The following EIF3H variants were observed in gnomAD, a reference collection of about 807,000 sequenced individuals.
The protein encoded by EIF3H is eIF-3-gamma.
In EIF3H, 26 loss-of-function variants were observed where a neutral mutation model predicts 44.2. The ratio of observed to expected loss-of-function variants is 0.59; its 90% CI spans 0.43 to 0.82. The LOEUF is 0.82. Ranked by LOEUF, EIF3H falls within the 40% of genes least tolerant of loss-of-function variation. The probability of loss-of-function intolerance (pLI) is 0.00; values close to 1 mark genes in which losing one functional copy is unlikely to be tolerated. For missense variants in EIF3H, 359 were observed against 432.8 expected (o/e 0.83, Z 1.51); for synonymous variants, 166 against 151.9 (o/e 1.09, Z -0.68).
At chr8:116,709,079 T>C (rs927408091) in intron 2 of EIF3H, among the ~76,000 whole-genome samples, 2 of 152,020 alleles carry the variant, frequency 1.3e-5, no homozygotes, top group African/African-American at 4.8e-5. Flanking sequence ...GCAATTTAAA[T>C]AGACAAGCCT....
intron 2 of EIF3H, among the ~76,000 whole-genome samples, chr8:116,712,458 G>A (rs913829187): frequency 2.0e-5 from 3 of 152,132 alleles, no homozygotes; most frequent in Admixed American, 6.5e-5. Flanking sequence ...AGAGGGAGAC[G>A]TGGGGTTTCA....
chr8:116,657,270 T>G lies in EIF3H; in HGVS notation c.502A>C (p.Arg168=). ...AQGSLSLKAY[R]LTPKLMEVCK... ...ACTTCCATCAGTTTAGGAGTCAGTC[T>G]GTATGCCTTTAGTGAGAGAGATCCT... Residue 168 remains arginine, a synonymous_variant, in exon 4 of 8, where the codon AGA becomes CGA. Transcript: ENST00000521861. The G allele has an allele frequency of 6.2e-7, 1 of 1,613,826 alleles. No individual in the cohort carries two copies. The highest frequency in any genetic ancestry group is 8.5e-7 in the Non-Finnish European group (1 of 1,179,750).
intron 5 of EIF3H, among the ~76,000 whole-genome samples, chr8:116,653,856 T>G (rs1275352136): frequency 6.6e-6 from 1 of 152,206 alleles, no homozygotes; most frequent in African/African-American, 2.4e-5. Flanking sequence ...GTTTTAGTCG[T>G]CGCAGAGAAC....
At chr8:116,754,981 T>C (rs774063652) in intron 1 of EIF3H, among the ~76,000 whole-genome samples, 2 of 152,228 alleles carry the variant, frequency 1.3e-5, no homozygotes, top group East Asian at 3.8e-4. Context: ...TAGAACGTCA[T>C]ATAAATGCAT....
Position 116,696,668 on chromosome 8 carries a change from T to C in EIF3H, c.289+29348A>G, listed in dbSNP as rs147326119. On this transcript the variant is annotated intron_variant, in intron 2 of 7. Coordinates refer to ENST00000521861, the MANE Select transcript of EIF3H (RefSeq NM_003756.3). ...TGCCTAAAATACAGAGTTCAATGACTAAGGCTTCAGAATACTTACAAAATA... is the reference window on the plus strand; with the variant it reads ...TGCCTAAAATACAGAGTTCAATGACCAAGGCTTCAGAATACTTACAAAATA... Among the ~76,000 whole-genome samples, 321 of 152,348 alleles carry C rather than the reference T, an allele frequency of 2.1e-3. 1 individual carries two copies. The highest frequency in any genetic ancestry group is 6.6e-3 in the African/African-American group (275 of 41,576).
At chr8:116,711,364 C>A (rs953181612) in intron 2 of EIF3H, among the ~76,000 whole-genome samples, 7 of 152,166 alleles carry the variant, frequency 4.6e-5, no homozygotes, top group African/African-American at 1.4e-4. Flanking sequence ...ACTCCTCATC[C>A]TCTTCTAGTA....
intron 1 of EIF3H, among the ~76,000 whole-genome samples, chr8:116,748,484 G>A (rs1374521718): frequency 6.6e-6 from 1 of 152,172 alleles, no homozygotes; most frequent in Admixed American, 6.5e-5. Flanking sequence ...TCAACTGTGT[G>A]CTCTTTTCTC....
intron 2 of EIF3H, among the ~76,000 whole-genome samples, chr8:116,709,294 T>G (rs1814531405): frequency 6.6e-6 from 1 of 152,140 alleles, no homozygotes; most frequent in African/African-American, 2.4e-5. Flanking sequence ...GCCCAAAAAA[T>G]TTTTTAAAAA....
At chr8:116,765,778 G>C (rs566788348) in exon 1 of EIF3H, 142 of 152,318 alleles carry the variant, frequency 9.3e-4, no homozygotes, top group African/African-American at 3.1e-3. Flanking sequence ...CAAACGGCTT[G>C]GGTTTGTGGC....
intron 2 of EIF3H, among the ~76,000 whole-genome samples, chr8:116,687,415 GAGCTTCAGCAA>G (rs1814094909): frequency 6.6e-6 from 1 of 152,060 alleles, no homozygotes; most frequent in Non-Finnish European, 1.5e-5. Context: ...GAAACTTTTG[GAGCTTCAGCAA>G]AAGAAAAGCA....
chr8:116,751,066 G>A (rs1815329925), intron 1 of EIF3H, among the ~76,000 whole-genome samples: 2 of 151,660 alleles, frequency 1.3e-5, no homozygotes, highest in South Asian at 4.1e-4. Flanking sequence ...CAAAAAATTA[G>A]CCGGGCGTAG....
At chr8:116,718,882 A>T (rs1443850107) in intron 2 of EIF3H, among the ~76,000 whole-genome samples, 1 of 151,634 alleles carries the variant, frequency 6.6e-6, no homozygotes, top group East Asian at 1.9e-4. Flanking sequence ...ATTGAAATAA[A>T]ATATATATAT....
intron 2 of EIF3H, among the ~76,000 whole-genome samples, chr8:116,704,535 A>T (rs758178072): frequency 6.6e-6 from 1 of 152,212 alleles, no homozygotes; most frequent in Non-Finnish European, 1.5e-5. Context: ...TCTCCCTAAA[A>T]GCTAGTAAAA....
At chr8:116,688,807 G>C (rs571904403) in intron 2 of EIF3H, among the ~76,000 whole-genome samples, 1 of 152,084 alleles carries the variant, frequency 6.6e-6, no homozygotes, top group Non-Finnish European at 1.5e-5. Context: ...AATAGAATAC[G>C]AGAAGTAATA....
intron 2 of EIF3H, among the ~76,000 whole-genome samples, chr8:116,670,752 T>C (rs1411444750): frequency 6.6e-6 from 1 of 152,232 alleles, no homozygotes; most frequent in Non-Finnish European, 1.5e-5. Flanking sequence ...AAATGTACCT[T>C]AGATATAAAT....
chr8:116,701,168 C>G (rs551055461), intron 2 of EIF3H, among the ~76,000 whole-genome samples: 1 of 152,270 alleles, frequency 6.6e-6, no homozygotes, highest in East Asian at 1.9e-4. Flanking sequence ...TCTATACCTA[C>G]AGGATTAAAT....
At position 116,644,975 on chromosome 8, in the gene EIF3H, T is replaced by C. The variant is rs1804926; in HGVS notation, c.*31A>G. The stretch of plus-strand genomic sequence containing the variant: ...GCCCTGGTGTGACTTCAAGAGTTCA[T>C]GTTAACTTCTTTTCTGGAAACTTCC... On this transcript the variant is annotated 3_prime_UTR_variant, in exon 8 of 8. Coordinates refer to ENST00000521861, the MANE Select transcript of EIF3H (RefSeq NM_003756.3). 6.4e-7 allele frequency: 1 copy of C among 1,550,424 alleles called. No individual in the cohort carries two copies. Among genetic ancestry groups the C allele is most frequent in the Non-Finnish European group, 8.9e-7 (1 of 1,123,228 alleles).
intron 2 of EIF3H, among the ~76,000 whole-genome samples, chr8:116,689,591 G>A (rs1260645446): frequency 6.6e-6 from 1 of 152,054 alleles, no homozygotes; most frequent in Non-Finnish European, 1.5e-5. Flanking sequence ...GCAGAAACAG[G>A]TTTCATTCTT....
intron 2 of EIF3H, among the ~76,000 whole-genome samples, chr8:116,695,909 A>C (rs894714865): frequency 1.3e-5 from 2 of 152,246 alleles, no homozygotes; most frequent in African/African-American, 4.8e-5. Flanking sequence ...AAGGGAGAAA[A>C]GTAGAATAAA....
Sources: gnomAD v4.1 joint callset for allele counts (sites outside exome capture counted in the v4.1 genomes callset) on GRCh38, gnomAD v4.1.1 for gene constraint, MANE v1.5 for transcripts, NCBI Gene and HGNC (gene_info 2026-07-23, HGNC 2026-07-21) for gene names.